EFCAB3: variants seen among roughly 807,000 people sequenced by gnomAD.
EFCAB3 encodes the protein EF-hand calcium-binding domain-containing protein 3.
EFCAB3 carries 36 observed loss-of-function variants against 42.2 expected under a neutral mutation model. The observed-to-expected ratio is 0.85, with a 90% CI of 0.65 to 1.13. The LOEUF (loss-of-function observed/expected upper bound fraction) is 1.13. Among genes scored for constraint, EFCAB3 ranks in the 50% most tolerant of loss-of-function variants. The pLI is 0.00. For missense variants in EFCAB3, 418 were observed against 505.1 expected, an observed-to-expected ratio of 0.83 and a Z score of 1.65; for synonymous variants, 170 against 172.8, an observed-to-expected ratio of 0.98 and a Z score of 0.13.
intron 6 of EFCAB3, among the ~76,000 whole-genome samples, chr17:62,405,935 T>A (rs1468128139): frequency 6.6e-6 from 1 of 152,214 alleles, no homozygotes; most frequent in Non-Finnish European, 1.5e-5. Context: ...TTCTCTGCAA[T>A]GAGAATTTCT....
Position 62,416,096 on chromosome 17 carries a change from A to G in EFCAB3, c.1084A>G (p.Ile362Val). The G allele has an allele frequency of 6.2e-7, 1 of 1,614,000 alleles. No individual in the cohort carries two copies. Among genetic ancestry groups the G allele is most frequent in the South Asian group, 1.1e-5 (1 of 91,078 alleles). Residue 362 changes from isoleucine (I) to valine (V), a missense_variant, in exon 10 of 10, where the codon ATT (isoleucine) becomes GTT (valine). Physicochemically the swap from Ile to Val is conservative, Grantham distance 29. Coordinates refer to ENST00000305286, the MANE Select transcript of EFCAB3 (RefSeq NM_173503.4). ...NLWQKIRGDL[I>V]GMDSRNESFY... ...CTGGCAGAAGATCCGAGGGGATTTG[A>G]TTGGGATGGACTCTAGAAATGAGTC...
chr17:62,406,359 T>C (rs2070447349), intron 6 of EFCAB3, 121 bp from the exon 7 acceptor site: 1 of 755,124 alleles, frequency 1.3e-6, no homozygotes, highest in Non-Finnish European at 2.1e-6. Flanking sequence ...TATTATTGAA[T>C]GAATATGCAA....
chr17:62,408,322 CA>C (rs202203868), intron 8 of EFCAB3, among the ~76,000 whole-genome samples: 2,353 of 152,294 alleles, frequency 0.015, 75 homozygotes, highest in African/African-American at 0.054. Flanking sequence ...CTAATAATCT[CA>C]GCAGAAATAA....
intron 2 of EFCAB3, among the ~76,000 whole-genome samples, chr17:62,383,707 T>A (rs1251820737): frequency 1.3e-5 from 2 of 152,106 alleles, no homozygotes; most frequent in African/African-American, 4.8e-5. Flanking sequence ...CAAAATACCC[T>A]AGGGGGCTCA....
intron 8 of EFCAB3, among the ~76,000 whole-genome samples, chr17:62,408,922 A>G (rs966516328): frequency 1.1e-4 from 16 of 152,114 alleles, no homozygotes; most frequent in African/African-American, 3.4e-4. Context: ...CACCTCTTTT[A>G]GGTCTTGTCT....
intron 2 of EFCAB3, among the ~76,000 whole-genome samples, chr17:62,384,569 C>T (rs965133679): frequency 2.6e-5 from 4 of 152,166 alleles, no homozygotes; most frequent in Admixed American, 6.5e-5. Flanking sequence ...GAGCTGAGAT[C>T]GCACCACTGT....
intron 1 of EFCAB3, among the ~76,000 whole-genome samples, chr17:62,371,750 G>A (rs531096938): frequency 5.9e-5 from 9 of 152,180 alleles, no homozygotes; most frequent in Admixed American, 5.9e-4. Flanking sequence ...GGAATTTGGG[G>A]TTGTTTGTTT....
rs907603658 is a variant in EFCAB3 at position 62,394,217 on chromosome 17, T to C, written c.367+573T>C. 5.3e-5 allele frequency among the ~76,000 whole-genome samples: 8 copies of C among 152,212 alleles called. No individual in the cohort carries two copies. In the East Asian group the frequency reaches 1.3e-3, roughly 26 times the overall value. On this transcript the variant is annotated intron_variant, in intron 5 of 9. Transcript: ENST00000305286. ...ATCCACCCGCCTTGGCCTCCCAAAG[T>C]GCTGGGATTACAGGCGTGAGCCACC... is the stretch of plus-strand genomic sequence containing the variant.
In EFCAB3 at chr17:62,395,253, A is replaced by G; in HGVS notation, c.488+65A>G. ...AGCATTATGAAGATATTAACATGGCAGTCAGCTCCCACTAACATCCAACTC... is the reference window on the plus strand; with the variant it reads ...AGCATTATGAAGATATTAACATGGCGGTCAGCTCCCACTAACATCCAACTC... On this transcript the variant is annotated intron_variant, in intron 6 of 9. Transcript: ENST00000305286. 5.7e-6 allele frequency: 9 copies of G among 1,586,712 alleles called. No individual in the cohort carries two copies. In the South Asian group the frequency reaches 9.2e-5, roughly 16 times the overall value.
chr17:62,403,998 G>T (rs768620371), intron 6 of EFCAB3, among the ~76,000 whole-genome samples: 4 of 152,022 alleles, frequency 2.6e-5, no homozygotes, highest in Non-Finnish European at 5.9e-5. Flanking sequence ...CATTTAACTC[G>T]GGTCCTCAAA....
chr17:62,398,549 G>A (rs1410741589), intron 6 of EFCAB3, among the ~76,000 whole-genome samples: 23 of 150,652 alleles, frequency 1.5e-4, no homozygotes, highest in Non-Finnish European at 2.5e-4. Flanking sequence ...CAGGCCTGTC[G>A]TCTCAGCTAC....
chr17:62,387,545 A>C, intron 3 of EFCAB3, 129 bp downstream of exon 3: 1 of 729,676 alleles, frequency 1.4e-6, no homozygotes, highest in Non-Finnish European at 2.1e-6. Flanking sequence ...AGGAAAAAAA[A>C]CCTTACATTT....
At chr17:62,390,259 G>T (rs2070292078) in intron 3 of EFCAB3, among the ~76,000 whole-genome samples, 1 of 152,170 alleles carries the variant, frequency 6.6e-6, no homozygotes, top group African/African-American at 2.4e-5. Context: ...CCTAAGAGGA[G>T]ACCCTTTCTT....
chr17:62,388,079 G>A (rs373500907), intron 3 of EFCAB3, among the ~76,000 whole-genome samples: 5 of 152,060 alleles, frequency 3.3e-5, no homozygotes, highest in South Asian at 2.1e-4. Flanking sequence ...GCGTGGTGGC[G>A]GGCACCTGTA....
At chr17:62,378,161 C>T (rs1317066922), upstream of EFCAB3, 2 of 642,702 alleles carry the variant, frequency 3.1e-6, no homozygotes, top group Non-Finnish European at 5.2e-6. Flanking sequence ...GAATGAACAC[C>T]GTTATCTCTC....
upstream of EFCAB3, chr17:62,377,989 A>G (rs775778487): frequency 2.6e-6 from 4 of 1,549,678 alleles, no homozygotes; most frequent in East Asian, 2.5e-5. Context: ...GTGACTCTGC[A>G]TAAGTTGAAA....
chr17:62,381,322 A>G (rs1318334057), intron 1 of EFCAB3, among the ~76,000 whole-genome samples: 3 of 152,050 alleles, frequency 2.0e-5, no homozygotes, highest in South Asian at 2.1e-4. Flanking sequence ...TACAAAGGAC[A>G]TGAACTCATC....
rs957275720 is a variant in EFCAB3, at chr17:62,382,972, C to G, written c.-8C>G. The G allele has an allele frequency of 1.2e-5, 20 of 1,612,660 alleles. No individual in the cohort carries two copies. Among genetic ancestry groups the G allele is most frequent in the Non-Finnish European group, 1.6e-5 (19 of 1,179,624 alleles). ...ATATTCTGAATTCCAGACAGAGTCA[C>G]TGGCCACATGGCAGTTTCAGAAATT... On this transcript the variant is annotated 5_prime_UTR_variant, in exon 2 of 10. Coordinates refer to ENST00000305286, the MANE Select transcript of EFCAB3 (RefSeq NM_173503.4).
chr17:62,391,704 TC>T (rs2070303916), intron 3 of EFCAB3, 117 bp from the exon 4 acceptor site: 2 of 1,124,312 alleles, frequency 1.8e-6, no homozygotes, highest in Non-Finnish European at 2.5e-6. Context: ...CTCATTTTTT[TC>T]GCAATCCTTT....
Sources: gnomAD v4.1 joint callset for allele counts (sites outside exome capture counted in the v4.1 genomes callset) on GRCh38, gnomAD v4.1.1 for gene constraint, MANE v1.5 for transcripts, NCBI Gene and HGNC (gene_info 2026-07-23, HGNC 2026-07-21) for gene names.